The following UACA variants were observed in gnomAD, a reference collection of about 807,000 sequenced individuals.
UACA encodes the protein nuclear membrane binding protein.
A neutral mutation model predicts 160.5 loss-of-function variants in UACA; 112 were observed. That is an observed-to-expected ratio of 0.70 (90% CI 0.60 to 0.82). The LOEUF is 0.82. UACA is among the 40% of genes least tolerant of loss of function. UACA has a pLI of 0.00. For missense variants in UACA, 1,574 were observed against 1,614.6 expected (o/e 0.97, Z 0.43); for synonymous variants, 557 against 568.4 (o/e 0.98, Z 0.29).
chr15:70,744,261 A>AAG (rs1362276564), intron 1 of UACA, among the ~76,000 whole-genome samples: 2 of 150,770 alleles, frequency 1.3e-5, no homozygotes, highest in Non-Finnish European at 2.9e-5. Context: ...AAAAAAAAAA[A>AAG]AAAAAAAGAA....
At chr15:70,694,467 A>G (rs952424527) in intron 3 of UACA, among the ~76,000 whole-genome samples, 19 of 152,200 alleles carry the variant, frequency 1.2e-4, no homozygotes, top group African/African-American at 4.6e-4. Flanking sequence ...GGTTAAGAAT[A>G]CAGATTCTGA....
intron 1 of UACA, among the ~76,000 whole-genome samples, chr15:70,725,901 G>T (rs1008024502): frequency 1.3e-5 from 2 of 152,068 alleles, no homozygotes; most frequent in Non-Finnish European, 2.9e-5. Context: ...AAACACTGAG[G>T]TGATGGATGC....
chr15:70,679,706 A>T (rs1380980376), intron 9 of UACA, 30 bp from the exon 10 acceptor site: 2 of 1,436,144 alleles, frequency 1.4e-6, no homozygotes, highest in Admixed American at 1.9e-5. Context: ...AACACGGGTC[A>T]GCAAGTGTAA....
intron 3 of UACA, among the ~76,000 whole-genome samples, chr15:70,691,827 C>T (rs1291646601): frequency 2.0e-5 from 3 of 152,154 alleles, no homozygotes; most frequent in Admixed American, 2.0e-4. Flanking sequence ...TATTCCTTAA[C>T]TGATTTTTCA....
chr15:70,683,236 G>A (rs1487619134), intron 8 of UACA, among the ~76,000 whole-genome samples: 1 of 152,014 alleles, frequency 6.6e-6, no homozygotes, highest in Non-Finnish European at 1.5e-5. Context: ...GTACATGCCT[G>A]TAGTCCCAGC....
intron 8 of UACA, among the ~76,000 whole-genome samples, chr15:70,683,538 C>A (rs930253584): frequency 1.5e-4 from 23 of 152,000 alleles, no homozygotes; most frequent in African/African-American, 5.3e-4. Flanking sequence ...ACAGTCATAA[C>A]CTTTGTGTAT....
intron 10 of UACA, 83 bp downstream of exon 10, chr15:70,679,525 T>C: frequency 1.1e-6 from 1 of 885,074 alleles, no homozygotes; most frequent in Non-Finnish European, 1.7e-6. Context: ...ACCCATTCTC[T>C]TGCTTCCTCT....
In UACA at chr15:70,712,064, A is replaced by ATATATATATATATATATATATATATATC. The variant is rs909386790; in HGVS notation, c.79-12405_79-12404insGATATATATATATATATATATATATATA. 1.0e-4 allele frequency among the ~76,000 whole-genome samples: 15 copies of ATATATATATATATATATATATATATATC among 145,552 alleles called. 1 individual carries two copies. The highest frequency in any genetic ancestry group is 3.9e-4 in the African/African-American group (14 of 35,822). On this transcript the variant is annotated intron_variant, in intron 1 of 18. Transcript: ENST00000322954. The stretch of plus-strand genomic sequence containing the variant: ...CTAAGCTCCAGGCATATATATATAT[A>ATATATATATATATATATATATATATATC]TATCTCCATATACCTTCTTCATGAT...
At chr15:70,772,357 G>A in the UACA span, among the ~76,000 whole-genome samples, 1 of 151,992 alleles carries the variant, frequency 6.6e-6, no homozygotes, top group Non-Finnish European at 1.5e-5. Context: ...GCCAGGCGTG[G>A]TGGTGGGCGC....
chr15:70,710,417 T>C (rs1318266459), intron 1 of UACA, among the ~76,000 whole-genome samples: 2 of 152,098 alleles, frequency 1.3e-5, no homozygotes, highest in Non-Finnish European at 2.9e-5. Context: ...GCAGAGAGGT[T>C]TTCCCCACTT....
intron 8 of UACA, among the ~76,000 whole-genome samples, chr15:70,683,087 G>T (rs1897570338): frequency 6.6e-6 from 1 of 152,130 alleles, no homozygotes. Flanking sequence ...TGGGTATGGT[G>T]GCTCACACCT....
intron 1 of UACA, among the ~76,000 whole-genome samples, chr15:70,700,838 T>C (rs902778204): frequency 2.6e-5 from 4 of 152,058 alleles, no homozygotes; most frequent in Admixed American, 1.3e-4. Flanking sequence ...CTGGATATTT[T>C]TCACTTAACT....
intron 18 of UACA, among the ~76,000 whole-genome samples, chr15:70,658,771 T>C (rs532528861): frequency 6.6e-5 from 10 of 152,296 alleles, no homozygotes; most frequent in African/African-American, 2.4e-4. Flanking sequence ...CCTATTAATA[T>C]GAAAAGTTTT....
At chr15:70,657,669 T>C (rs1051546443) in intron 18 of UACA, among the ~76,000 whole-genome samples, 2 of 152,136 alleles carry the variant, frequency 1.3e-5, no homozygotes, top group Non-Finnish European at 2.9e-5. Flanking sequence ...AACCTCCCTC[T>C]TTCTCTTTTT....
intron 1 of UACA, among the ~76,000 whole-genome samples, chr15:70,739,496 G>A (rs546080278): frequency 5.3e-5 from 8 of 152,198 alleles, no homozygotes; most frequent in African/African-American, 1.9e-4. Context: ...AAGACAACTC[G>A]GTCTTACAAA....
Position 70,763,335 on chromosome 15 carries a change from T to TGGC in UACA, c.70_72dup (p.Ala24dup), listed in dbSNP as rs1157740758. The stretch of plus-strand genomic sequence containing the variant: ...GCCCGGACCGCGGGACTCACCGCGC[T>TGGC]GGCGGCGGCGGCGCCAGACGACGCG... On this transcript the variant is annotated inframe_insertion, in exon 1 of 19. Transcript: ENST00000322954. The TGGC allele has an allele frequency of 1.0e-5, 14 of 1,333,706 alleles. No individual in the cohort carries two copies. Among genetic ancestry groups the TGGC allele is most frequent in the Admixed American group, 8.3e-5 (2 of 24,194 alleles). The allele number at this position is 1,333,706 out of a possible 1,614,324, so 82.6% of individuals were successfully genotyped here. A position where few individuals can be genotyped will look rare whatever the true frequency, so the allele number is the denominator to read the frequency against.
intron 1 of UACA, among the ~76,000 whole-genome samples, chr15:70,724,036 TG>T (rs1899075011): frequency 1.3e-5 from 2 of 152,204 alleles, no homozygotes; most frequent in Admixed American, 6.5e-5. Context: ...TACATAGAGC[TG>T]TAGCTTTATA....
At chr15:70,749,386 C>T in intron 1 of UACA, 1 of 187,348 alleles carries the variant, frequency 5.3e-6, no homozygotes, top group Non-Finnish European at 1.1e-5. Context: ...ATTAGCCGGG[C>T]GCGGTGGCGG....
intron 17 of UACA, among the ~76,000 whole-genome samples, chr15:70,662,708 C>T (rs1896754734): frequency 6.6e-6 from 1 of 152,298 alleles, no homozygotes; most frequent in South Asian, 2.1e-4. Flanking sequence ...AATAATGCCA[C>T]ATATCTACAA....
Sources: gnomAD v4.1 joint callset for allele counts (sites outside exome capture counted in the v4.1 genomes callset) on GRCh38, gnomAD v4.1.1 for gene constraint, MANE v1.5 for transcripts, NCBI Gene and HGNC (gene_info 2026-07-23, HGNC 2026-07-21) for gene names.